The following OSBPL10 variants were observed in gnomAD, a reference collection of about 807,000 sequenced individuals.
OSBPL10 encodes the protein oxysterol-binding protein-related protein 10.
In OSBPL10, 49 loss-of-function variants were observed where a neutral mutation model predicts 81.7. The ratio of observed to expected loss-of-function variants is 0.60; its 90% CI spans 0.48 to 0.76. The LOEUF is 0.76. Ranked by LOEUF, OSBPL10 falls within the 30% of genes least tolerant of loss-of-function variation. The pLI is 0.00. For missense variants in OSBPL10, 923 were observed against 987.8 expected (o/e 0.93, Z 0.88); for synonymous variants, 419 against 383.6 (o/e 1.09, Z -1.08).
intron 2 of OSBPL10, among the ~76,000 whole-genome samples, chr3:31,995,420 C>A (rs977695293): frequency 8.5e-5 from 13 of 152,180 alleles, no homozygotes; most frequent in Non-Finnish European, 1.8e-4. Context: ...ATTTGCATGT[C>A]CATTTATAGG....
chr3:31,739,623 C>A (rs1447685766), intron 5 of OSBPL10, among the ~76,000 whole-genome samples: 1 of 152,178 alleles, frequency 6.6e-6, no homozygotes, highest in Non-Finnish European at 1.5e-5. Flanking sequence ...CAGGCTCACA[C>A]ACCAAAGAAA....
At chr3:31,936,050 C>A (rs531475498) in intron 1 of OSBPL10, among the ~76,000 whole-genome samples, 12 of 152,332 alleles carry the variant, frequency 7.9e-5, no homozygotes, top group South Asian at 2.1e-4. Context: ...CATCCCTTCT[C>A]AACTCCTGAA....
intron 1 of OSBPL10, among the ~76,000 whole-genome samples, chr3:31,897,492 G>T (rs899269117): frequency 7.2e-5 from 11 of 152,210 alleles, no homozygotes; most frequent in African/African-American, 2.6e-4. Flanking sequence ...CAAGGACCAA[G>T]TATTCACCAC....
intron 3 of OSBPL10, among the ~76,000 whole-genome samples, chr3:31,862,108 T>G (rs1379054984): frequency 1.3e-5 from 2 of 152,212 alleles, no homozygotes; most frequent in Non-Finnish European, 2.9e-5. Flanking sequence ...AGCCCCTTCA[T>G]GCATTGCATG....
intron 3 of OSBPL10, among the ~76,000 whole-genome samples, chr3:31,834,429 C>T (rs1000036916): frequency 3.3e-4 from 50 of 152,268 alleles, no homozygotes; most frequent in Admixed American, 7.2e-4. Flanking sequence ...CCCCTTGCTT[C>T]GTAAGCACCT....
At chr3:31,812,745 A>G (rs1443600990) in intron 4 of OSBPL10, among the ~76,000 whole-genome samples, 1 of 27,396 alleles carries the variant, frequency 3.7e-5, no homozygotes, top group Non-Finnish European at 6.4e-5. Flanking sequence ...AAAGAAAGAA[A>G]GAAAGAAAGA....
intron 1 of OSBPL10, among the ~76,000 whole-genome samples, chr3:31,919,126 A>G (rs1696839211): frequency 6.6e-6 from 1 of 152,086 alleles, no homozygotes; most frequent in Non-Finnish European, 1.5e-5. Flanking sequence ...ACCTGGAAAG[A>G]TCGCCTCTTT....
At chr3:31,871,003 G>A (rs959839757) in intron 3 of OSBPL10, among the ~76,000 whole-genome samples, 2 of 152,070 alleles carry the variant, frequency 1.3e-5, no homozygotes, top group South Asian at 2.1e-4. Flanking sequence ...GATTGTAAAC[G>A]CACCAATCAG....
intron 2 of OSBPL10, among the ~76,000 whole-genome samples, chr3:32,029,186 G>A (rs1699444864): frequency 6.6e-6 from 1 of 152,084 alleles, no homozygotes; most frequent in South Asian, 2.1e-4. Flanking sequence ...GACCCCAGAA[G>A]TATGCCAACA....
In OSBPL10 at chr3:31,821,023, C is replaced by T. The variant is rs527326789; in HGVS notation, c.729+9017G>A. The stretch of plus-strand genomic sequence containing the variant: ...CAGACAATAAACACATAAACAAATA[C>T]CTAATTTCCAGGTGTAACATGTAAA... On this transcript the variant is annotated intron_variant, in intron 4 of 11. Coordinates refer to ENST00000396556, the MANE Select transcript of OSBPL10 (RefSeq NM_017784.5). Among the ~76,000 whole-genome samples, 23 of 152,176 alleles carry T rather than the reference C, an allele frequency of 1.5e-4. 1 individual carries two copies. In the South Asian group the frequency reaches 4.2e-3, roughly 27 times the overall value.
At chr3:31,837,378 A>ATATAT (rs1700386508) in intron 3 of OSBPL10, among the ~76,000 whole-genome samples, 1 of 32,598 alleles carries the variant, frequency 3.1e-5, no homozygotes, top group Admixed American at 5.2e-4. Context: ...TATATATAGT[A>ATATAT]AGTAACATAA....
intron 1 of OSBPL10, among the ~76,000 whole-genome samples, chr3:31,902,258 ATTTTTTTT>A (rs574112153): frequency 8.5e-6 from 1 of 117,956 alleles, no homozygotes; most frequent in African/African-American, 3.3e-5. Context: ...TCTTGTCAGT[ATTTTTTTT>A]TTTTTTTTTT....
At chr3:32,014,026 G>A (rs576992555) in intron 2 of OSBPL10, among the ~76,000 whole-genome samples, 6 of 152,276 alleles carry the variant, frequency 3.9e-5, no homozygotes, top group African/African-American at 1.4e-4. Flanking sequence ...ACAAGGAGGA[G>A]CTGGTACCAT....
intron 7 of OSBPL10, among the ~76,000 whole-genome samples, chr3:31,694,144 G>A (rs1695639342): frequency 6.6e-6 from 1 of 152,098 alleles, no homozygotes; most frequent in Non-Finnish European, 1.5e-5. Context: ...GCCAAGGCAG[G>A]CAGATCACCT....
At chr3:31,865,749 A>C (rs1300829150) in intron 3 of OSBPL10, among the ~76,000 whole-genome samples, 1 of 152,238 alleles carries the variant, frequency 6.6e-6, no homozygotes, top group African/African-American at 2.4e-5. Flanking sequence ...AATCATATAA[A>C]AGAGGTATTC....
At chr3:31,797,381 TA>T (rs1022271012) in intron 4 of OSBPL10, among the ~76,000 whole-genome samples, 2 of 152,212 alleles carry the variant, frequency 1.3e-5, no homozygotes, top group African/African-American at 4.8e-5. Context: ...GGTAAGATAC[TA>T]AACTAATTCT....
intron 2 of OSBPL10, among the ~76,000 whole-genome samples, chr3:32,010,140 A>T (rs200219201): frequency 5.4e-5 from 8 of 146,934 alleles, no homozygotes; most frequent in Non-Finnish European, 1.2e-4. Context: ...GAGGCTGCCC[A>T]TTTTTTTTTT....
intron 1 of OSBPL10, among the ~76,000 whole-genome samples, chr3:32,056,365 TC>T (rs1337178007): frequency 6.6e-6 from 1 of 152,254 alleles, no homozygotes; most frequent in African/African-American, 2.4e-5. Flanking sequence ...AGACTTCATA[TC>T]AGCCGGGTTC....
At chr3:31,822,867 T>C (rs1262299131) in intron 4 of OSBPL10, among the ~76,000 whole-genome samples, 1 of 138,266 alleles carries the variant, frequency 7.2e-6, no homozygotes, top group African/African-American at 2.6e-5. Flanking sequence ...TGAGTCATGA[T>C]TGATCTGCTA....
Sources: allele counts gnomAD v4.1 joint callset (sites outside exome capture counted in the v4.1 genomes callset), GRCh38; gene constraint gnomAD v4.1.1; transcripts MANE v1.5; gene names NCBI Gene and HGNC (gene_info 2026-07-23, HGNC 2026-07-21).